The following ZHX3 variants were observed in gnomAD, a reference collection of about 807,000 sequenced individuals.
ZHX3 encodes zinc fingers and homeoboxes protein 3.
ZHX3 carries 20 observed loss-of-function variants against 64.5 expected under a neutral mutation model. The ratio of observed to expected loss-of-function variants is 0.31; its 90% CI spans 0.22 to 0.45. ZHX3 has a LOEUF of 0.45. Among genes scored for constraint, ZHX3 ranks in the 20% least tolerant of loss-of-function variants. The pLI, the probability that ZHX3 is intolerant of heterozygous loss-of-function variation, is 1.00. For synonymous variants in ZHX3, 423 were observed against 461.6 expected (o/e 0.92, Z 1.07); for missense variants, 1,041 against 1,195.8 (o/e 0.87, Z 1.91).
At chr20:41,206,203 A>G (rs2038699633) in intron 2 of ZHX3, among the ~76,000 whole-genome samples, 1 of 152,226 alleles carries the variant, frequency 6.6e-6, no homozygotes, top group Non-Finnish European at 1.5e-5. Flanking sequence ...GAGAAACCAG[A>G]GCAGAAAAGC....
At chr20:41,223,340 TG>T (rs2040071197) in intron 2 of ZHX3, among the ~76,000 whole-genome samples, 1 of 152,194 alleles carries the variant, frequency 6.6e-6, no homozygotes, top group Admixed American at 6.5e-5. Flanking sequence ...CTTTGCACAA[TG>T]GTAAGTCATA....
intron 2 of ZHX3, among the ~76,000 whole-genome samples, chr20:41,213,040 T>C (rs1163724409): frequency 6.6e-6 from 1 of 152,128 alleles, no homozygotes; most frequent in Non-Finnish European, 1.5e-5. Context: ...TGAAAAGGAA[T>C]GAAGTTCTGA....
chr20:41,238,823 G>GT (rs1441071359), intron 2 of ZHX3: 4 of 151,972 alleles, frequency 2.6e-5, no homozygotes. Flanking sequence ...ACAAGGAAAT[G>GT]TATCTATTAA....
chr20:41,225,767 C>T (rs1050247160), intron 2 of ZHX3, among the ~76,000 whole-genome samples: 9 of 152,126 alleles, frequency 5.9e-5, no homozygotes, highest in African/African-American at 1.9e-4. Flanking sequence ...GGATTACAGG[C>T]GTGAACCACC....
At chr20:41,194,814 A>G (rs2037348264) in intron 3 of ZHX3, among the ~76,000 whole-genome samples, 1 of 152,186 alleles carries the variant, frequency 6.6e-6, no homozygotes, top group South Asian at 2.1e-4. Flanking sequence ...CATCTAGGTT[A>G]CCCAATTTAT....
In ZHX3 at chr20:41,184,732, C is replaced by A. The variant is rs991622567; in HGVS notation, c.*459G>T. 6.7e-6 allele frequency: 5 copies of A among 742,362 alleles called. No homozygotes were observed. The highest frequency in any genetic ancestry group is 1.1e-5 in the Non-Finnish European group (5 of 473,360). The allele number at this position is 742,362 out of a possible 1,614,324, so 46.0% of individuals were successfully genotyped here. On this transcript the variant is annotated 3_prime_UTR_variant, in exon 4 of 4. Coordinates refer to ENST00000683867, the MANE Select transcript of ZHX3 (RefSeq NM_001384317.1). ...GTGGAAGGTGAGGGGCACCTGTGAC[C>A]CAGCAATCCCCAGAGAACAGACACA...
At chr20:41,278,348 GAA>G in intron 1 of ZHX3, among the ~76,000 whole-genome samples, 1 of 130,312 alleles carries the variant, frequency 7.7e-6, no homozygotes, top group Middle Eastern at 3.5e-3. Context: ...TGTCTTGAAG[GAA>G]AAAAAAAAAG....
chr20:41,259,130 A>G (rs1223183073), intron 2 of ZHX3, among the ~76,000 whole-genome samples: 2 of 152,164 alleles, frequency 1.3e-5, no homozygotes, highest in African/African-American at 4.8e-5. Context: ...TTTAATACCA[A>G]TGGAGTCAGA....
chr20:41,256,072 A>T (rs1183764701), intron 2 of ZHX3, among the ~76,000 whole-genome samples: 5 of 152,230 alleles, frequency 3.3e-5, no homozygotes, highest in Non-Finnish European at 7.3e-5. Flanking sequence ...ACACTGTTGG[A>T]AATTAAAATA....
At position 41,226,584 on chromosome 20, in the gene ZHX3, A is replaced by G. The variant is rs1174009577; in HGVS notation, c.-150-21518T>C. On this transcript the variant is annotated intron_variant, in intron 2 of 3. Transcript: ENST00000683867. This position sits in a 1 kb window ranked among gnomAD's most constrained non-coding sequence, Gnocchi z 4.4. ...TCTTGTTTAAGCTCTCCACAATCCT[A>G]TGATGCTGGCAGAGCAGCAGAAATC... 1.3e-5 allele frequency among the ~76,000 whole-genome samples: 2 copies of G among 152,110 alleles called. No individual in the cohort carries two copies. The highest frequency in any genetic ancestry group is 2.9e-5 in the Non-Finnish European group (2 of 68,018).
Position 41,203,407 on chromosome 20 carries a change from C to T in ZHX3, c.1510G>A (p.Glu504Lys). 1.2e-6 allele frequency: 2 copies of T among 1,614,190 alleles called. No homozygotes were observed. Among genetic ancestry groups the T allele is most frequent in the Non-Finnish European group, 1.7e-6 (2 of 1,180,040 alleles). Residue 504 changes from glutamate (E) to lysine (K), a missense_variant, in exon 3 of 4, where the codon GAA becomes AAA. Coordinates refer to ENST00000683867, the MANE Select transcript of ZHX3 (RefSeq NM_001384317.1). The surrounding 1 kb of genome is among the most constrained non-coding windows in gnomAD (Gnocchi z 7.1). ...ASIYKNKKSH[E>K]QLSALKGSFC... ...CTCCCTTTCAGAGCTGACAGCTGTT[C>T]ATGAGATTTCTTATTTTTGTAGATG...
intron 3 of ZHX3, among the ~76,000 whole-genome samples, chr20:41,186,536 T>C (rs566807721): frequency 1.3e-5 from 2 of 152,330 alleles, no homozygotes; most frequent in East Asian, 3.9e-4. Flanking sequence ...CACATGGTAA[T>C]ATTCTATATT....
intron 1 of ZHX3, among the ~76,000 whole-genome samples, chr20:41,295,547 G>A (rs1009589785): frequency 6.6e-6 from 1 of 152,066 alleles, no homozygotes; most frequent in Non-Finnish European, 1.5e-5. Flanking sequence ...TTTCACTGTT[G>A]GCTGTACAAT....
chr20:41,266,106 T>C (rs1365601306), intron 2 of ZHX3, among the ~76,000 whole-genome samples: 3 of 152,328 alleles, frequency 2.0e-5, no homozygotes, highest in Admixed American at 6.5e-5. Context: ...ATATGTAAGA[T>C]AAATTTCTAG....
At chr20:41,240,694 T>C (rs190763428) in intron 2 of ZHX3, among the ~76,000 whole-genome samples, 2 of 152,300 alleles carry the variant, frequency 1.3e-5, no homozygotes, top group East Asian at 3.9e-4. Flanking sequence ...TAACCATCCT[T>C]CTACTCTGTA....
At chr20:41,230,588 C>CA (rs911254702) in intron 2 of ZHX3, among the ~76,000 whole-genome samples, 21 of 151,562 alleles carry the variant, frequency 1.4e-4, no homozygotes, top group South Asian at 4.2e-4. Flanking sequence ...GACTCAGTAC[C>CA]AAAAAAAGTA....
chr20:41,284,147 C>T (rs147566682), intron 1 of ZHX3, among the ~76,000 whole-genome samples: 6 of 152,220 alleles, frequency 3.9e-5, no homozygotes, highest in South Asian at 2.1e-4. Flanking sequence ...AAATAAGGAA[C>T]GCCTATTACC....
At chr20:41,284,920 C>A (rs2043861918) in intron 1 of ZHX3, among the ~76,000 whole-genome samples, 1 of 152,152 alleles carries the variant, frequency 6.6e-6, no homozygotes, top group Admixed American at 6.5e-5. Flanking sequence ...ATTCACTTGC[C>A]TCATAGTTTT....
At position 41,185,187 on chromosome 20, in the gene ZHX3, A is replaced by T; in HGVS notation, c.*4T>A. 1 of 1,609,592 alleles carries T rather than the reference A, an allele frequency of 6.2e-7. No individual in the cohort carries two copies. The highest frequency in any genetic ancestry group is 8.5e-7 in the Non-Finnish European group (1 of 1,177,736). On this transcript the variant is annotated 3_prime_UTR_variant, in exon 4 of 4. Coordinates refer to ENST00000683867, the MANE Select transcript of ZHX3 (RefSeq NM_001384317.1). The surrounding 1 kb of genome is among the most constrained non-coding windows in gnomAD (Gnocchi z 5.0). ...GCCAGTCCTTCACATTAATCAGATC[A>T]AATTCAGTCTGTTTCTGAGAAGAAA...
Sources: allele counts gnomAD v4.1 joint callset (sites outside exome capture counted in the v4.1 genomes callset), GRCh38; gene constraint gnomAD v4.1.1; non-coding constraint Gnocchi (gnomAD v3.1); transcripts MANE v1.5; gene names NCBI Gene and HGNC (gene_info 2026-07-23, HGNC 2026-07-21).